DNAH12: variants seen among roughly 807,000 people sequenced by gnomAD.
DNAH12 encodes dynein axonemal heavy chain 12, also known as axonemal beta dynein heavy chain 12.
DNAH12 carries 285 observed loss-of-function variants against 371.5 expected under a neutral mutation model. The ratio of observed to expected loss-of-function variants is 0.77; its 90% CI spans 0.70 to 0.85. The LOEUF (loss-of-function observed/expected upper bound fraction) is 0.85. Among genes scored for constraint, DNAH12 ranks in the 40% least tolerant of loss-of-function variants. The pLI, the probability that DNAH12 is intolerant of heterozygous loss-of-function variation, is 0.00. For synonymous variants in DNAH12, 1,200 were observed against 1,213.0 expected (o/e 0.99, Z 0.22); for missense variants, 3,611 against 3,689.4 (o/e 0.98, Z 0.55).
chr3:57,344,850 A>G (rs975331299), intron 60 of DNAH12, among the ~76,000 whole-genome samples: 2 of 152,122 alleles, frequency 1.3e-5, no homozygotes, highest in South Asian at 4.2e-4. Context: ...AAGTTCTAGT[A>G]TTCAATAGCA....
chr3:57,411,602 A>G lies in DNAH12; in HGVS notation c.6020+2144T>C, dbSNP rs192972519. ...CCATTTACATTAGCACCCACCCCCAATGAAATACTTAGGGATATATCTAAC... is the reference window on the plus strand; with the variant it reads ...CCATTTACATTAGCACCCACCCCCAGTGAAATACTTAGGGATATATCTAAC... On this transcript the variant is annotated intron_variant, in intron 39 of 73. Transcript: ENST00000495027. 2.4e-4 allele frequency among the ~76,000 whole-genome samples: 37 copies of G among 151,630 alleles called. No homozygotes were observed. The East Asian group carries it at 3.5e-3, about 14-fold the overall frequency.
chr3:57,516,806 A>G (rs1047101730), intron 4 of DNAH12, among the ~76,000 whole-genome samples: 1 of 152,018 alleles, frequency 6.6e-6, no homozygotes. Flanking sequence ...GTGACTTTTT[A>G]TCATTAAAAG....
At chr3:57,353,995 C>G (rs1443118311) in intron 59 of DNAH12, among the ~76,000 whole-genome samples, 1 of 152,194 alleles carries the variant, frequency 6.6e-6, no homozygotes, top group African/African-American at 2.4e-5. Flanking sequence ...ACAGAACTAC[C>G]ATTTGACCCA....
chr3:57,340,365 A>C (rs1379493032), intron 60 of DNAH12, among the ~76,000 whole-genome samples: 1 of 152,256 alleles, frequency 6.6e-6, no homozygotes, highest in East Asian at 1.9e-4. Context: ...AAGATCAATG[A>C]AACAAAAAGT....
At chr3:57,470,999 G>T (rs1448828177) in intron 15 of DNAH12, among the ~76,000 whole-genome samples, 1 of 152,112 alleles carries the variant, frequency 6.6e-6, no homozygotes, top group Non-Finnish European at 1.5e-5. Flanking sequence ...GAGCCACTGC[G>T]CCTGGCCTAT....
At chr3:57,442,241 G>T (rs1296230068) in intron 29 of DNAH12, among the ~76,000 whole-genome samples, 1 of 151,220 alleles carries the variant, frequency 6.6e-6, no homozygotes, top group African/African-American at 2.4e-5. Context: ...ACATATATCT[G>T]CTGGAAAGAA....
intron 19 of DNAH12, among the ~76,000 whole-genome samples, chr3:57,460,896 T>C (rs954579990): frequency 6.6e-6 from 1 of 152,164 alleles, no homozygotes; most frequent in Non-Finnish European, 1.5e-5. Context: ...TCAAGTGGGT[T>C]AATAAGTGCA....
Position 57,322,466 on chromosome 3 carries a change from T to C in DNAH12, c.10401A>G (p.Leu3467=). ...CATTAGTCATTTTTACTCCATTCTG[T>C]AGAATTGTTACTGGGAACTAAGACA... The part of the protein sequence containing the change: ...YPSSKFPVTI[L]QNGVKMTNEP... Residue 3467 remains leucine (L), a synonymous_variant, in exon 65 of 74, where the codon CTA becomes CTG. Coordinates refer to ENST00000495027, the MANE Select transcript of DNAH12 (RefSeq NM_001366028.2). 1 of 1,551,846 alleles carries C rather than the reference T, an allele frequency of 6.4e-7. No individual in the cohort carries two copies. The highest frequency in any genetic ancestry group is 8.7e-7 in the Non-Finnish European group (1 of 1,146,998).
rs1429715750 is a variant in DNAH12 at position 57,444,741 on chromosome 3, T to C, written c.4501A>G (p.Ser1501Gly). 6.5e-7 allele frequency: 1 copy of C among 1,550,236 alleles called. No homozygotes were observed. The highest frequency in any genetic ancestry group is 1.2e-5 in the South Asian group (1 of 83,708). ...HDIPLFNGIT[S>G]DLFPGIKLPE... is the part of the protein sequence containing the mutation. ...AGTTTAATACCAGGAAATAAGTCAC[T>C]AGTTATTCCATTAAATAAAGGTATA... The change falls in exon 29 of 74, where the codon AGT (serine) becomes GGT (glycine). Residue 1501 changes from serine (S) to glycine (G), a missense_variant. Coordinates refer to ENST00000495027, the MANE Select transcript of DNAH12 (RefSeq NM_001366028.2).
chr3:57,531,870 A>G (rs894038638), intron 2 of DNAH12, among the ~76,000 whole-genome samples: 1 of 149,662 alleles, frequency 6.7e-6, no homozygotes, highest in Non-Finnish European at 1.5e-5. Context: ...AATGTCAATT[A>G]TCTTTTTCTA....
At chr3:57,364,145 T>C (rs1026791544) in intron 57 of DNAH12, among the ~76,000 whole-genome samples, 2 of 152,170 alleles carry the variant, frequency 1.3e-5, no homozygotes, top group Admixed American at 6.5e-5. Flanking sequence ...ATATTTTCTA[T>C]AGTAGCACAC....
At chr3:57,481,651 C>T (rs1165519227) in intron 13 of DNAH12, among the ~76,000 whole-genome samples, 3 of 152,144 alleles carry the variant, frequency 2.0e-5, no homozygotes, top group Non-Finnish European at 4.4e-5. Context: ...GGAGGCATCA[C>T]GCTACCTGAC....
chr3:57,474,987 G>T (rs2066479560), intron 13 of DNAH12, among the ~76,000 whole-genome samples: 1 of 146,154 alleles, frequency 6.8e-6, no homozygotes, highest in Non-Finnish European at 1.5e-5. Flanking sequence ...AAAAAAAAAG[G>T]CCAATGGAAC....
chr3:57,408,413 C>T lies in DNAH12; in HGVS notation c.6143G>A (p.Cys2048Tyr). ...TPRCIRHFNICSINSFSDETM... is the reference protein window; with the variant it reads ...TPRCIRHFNIYSINSFSDETM... ...TTCATCACTAAAAGAATTAATACTG[C>T]AGATGTTGAAATGTCGAATACAACG... is the stretch of plus-strand genomic sequence containing the variant. The change falls in exon 40 of 74, where the codon TGC becomes TAC. Residue 2048 changes from cysteine (C) to tyrosine (Y), a missense_variant. By Grantham distance (194) the Cys-to-Tyr change is radical (BLOSUM62 -2). Coordinates refer to ENST00000495027, the MANE Select transcript of DNAH12 (RefSeq NM_001366028.2). The T allele has an allele frequency of 6.4e-7, 1 of 1,551,512 alleles. No homozygotes were observed. Among genetic ancestry groups the T allele is most frequent in the South Asian group, 1.2e-5 (1 of 84,040 alleles).
intron 8 of DNAH12, among the ~76,000 whole-genome samples, chr3:57,506,890 A>T (rs775971561): frequency 3.9e-5 from 6 of 152,114 alleles, no homozygotes; most frequent in Non-Finnish European, 8.8e-5. Context: ...AATTTAGCCC[A>T]GCAAACAAAC....
At chr3:57,404,440 G>T (rs782137959) in intron 42 of DNAH12, among the ~76,000 whole-genome samples, 1 of 152,214 alleles carries the variant, frequency 6.6e-6, no homozygotes, top group Non-Finnish European at 1.5e-5. Flanking sequence ...TTTCGGCCAG[G>T]TGTGGTGGCT....
At position 57,505,123 on chromosome 3, in the gene DNAH12, A is replaced by C. The variant is rs186692293; in HGVS notation, c.898-919T>G. 7.3e-3 allele frequency among the ~76,000 whole-genome samples: 1,115 copies of C among 152,170 alleles called. 10 individuals carry two copies. The highest frequency in any genetic ancestry group is 0.017 in the Middle Eastern group (5 of 294). Reference sequence around the variant, plus strand: ...TGGCTGGTCTCAAACTCCTGAGCTCAAGTGACCCGCCTGCTTTGGCCTCTC... The same window carrying C: ...TGGCTGGTCTCAAACTCCTGAGCTCCAGTGACCCGCCTGCTTTGGCCTCTC... On this transcript the variant is annotated intron_variant, in intron 8 of 73. Transcript: ENST00000495027.
rs1415029538 is a variant in DNAH12 at position 57,495,886 on chromosome 3, AT to A, written c.1335+5434del. ...TTATAAATATATATTTTTAAAATAT[AT>A]TTTTATATATAAATTTTATAAATAT... On this transcript the variant is annotated intron_variant, in intron 11 of 73. Coordinates refer to ENST00000495027, the MANE Select transcript of DNAH12 (RefSeq NM_001366028.2). Among the ~76,000 whole-genome samples, 156 of 141,918 alleles carry A rather than the reference AT, an allele frequency of 1.1e-3. 6 individuals are homozygous for A. The highest frequency in any genetic ancestry group is 3.8e-3 in the African/African-American group (144 of 37,644). The allele number at this position is 141,918 out of a possible 152,430, so 93.1% of individuals were successfully genotyped here.
At chr3:57,361,413 C>T (rs1035656375) in intron 58 of DNAH12, among the ~76,000 whole-genome samples, 2 of 141,060 alleles carry the variant, frequency 1.4e-5, no homozygotes, top group South Asian at 2.2e-4. Context: ...TATATATATA[C>T]ACACACACTA....
Sources: allele counts gnomAD v4.1 joint callset (sites outside exome capture counted in the v4.1 genomes callset), GRCh38; gene constraint gnomAD v4.1.1; transcripts MANE v1.5; gene names NCBI Gene and HGNC (gene_info 2026-07-23, HGNC 2026-07-21).